The following TMCO4 variants were observed in gnomAD, a reference collection of about 807,000 sequenced individuals.
TMCO4 encodes transmembrane and coiled-coil domain-containing protein 4.
In TMCO4, 58 loss-of-function variants were observed where a neutral mutation model predicts 64.7. The ratio of observed to expected loss-of-function variants is 0.90; its 90% CI spans 0.73 to 1.12. TMCO4 has a LOEUF of 1.12. Ranked by LOEUF, TMCO4 falls within the 50% of genes most tolerant of loss-of-function variation. The pLI, the probability that TMCO4 is intolerant of heterozygous loss-of-function variation, is 0.00. For synonymous variants in TMCO4, 325 were observed against 346.1 expected, an observed-to-expected ratio of 0.94 and a Z score of 0.68; for missense variants, 780 against 825.9, an observed-to-expected ratio of 0.94 and a Z score of 0.68.
At chr1:19,740,998 C>A in intron 10 of TMCO4, 57 bp from the exon 11 acceptor site, 1 of 1,503,746 alleles carries the variant, frequency 6.7e-7, no homozygotes. Flanking sequence ...GATGCCCCAC[C>A]CCAGTACCCC....
At chr1:19,762,223 A>G (rs976831657) in intron 6 of TMCO4, among the ~76,000 whole-genome samples, 1 of 152,146 alleles carries the variant, frequency 6.6e-6, no homozygotes, top group African/African-American at 2.4e-5. Context: ...GCCAGCTGTG[A>G]ATCCTATATT....
At chr1:19,754,905 C>T (rs1475460022) in intron 7 of TMCO4, among the ~76,000 whole-genome samples, 2 of 152,016 alleles carry the variant, frequency 1.3e-5, no homozygotes, top group African/African-American at 2.4e-5. Flanking sequence ...AGGGCACTAT[C>T]CTTATTCCTG....
rs567200992 is a variant in TMCO4, at chr1:19,787,991, A to G, written c.-100-874T>C. 3.3e-5 allele frequency among the ~76,000 whole-genome samples: 5 copies of G among 152,312 alleles called. No homozygotes were observed. In the East Asian group the frequency reaches 7.7e-4, roughly 24 times the overall value. ...AGGCTGGTCTGGAACTCCTGAGCTC[A>G]GGCAATCTGCCTGCCTCAGCCTCCC... On this transcript the variant is annotated intron_variant, in intron 2 of 15. Coordinates refer to ENST00000294543, the MANE Select transcript of TMCO4 (RefSeq NM_181719.7).
At chr1:19,710,433 T>C (rs2095325624) in intron 13 of TMCO4, among the ~76,000 whole-genome samples, 1 of 152,128 alleles carries the variant, frequency 6.6e-6, no homozygotes, top group East Asian at 1.9e-4. Context: ...CGTCCTCCTC[T>C]TCCTCTTCTT....
intron 14 of TMCO4, among the ~76,000 whole-genome samples, chr1:19,699,177 C>G (rs1391318410): frequency 6.7e-6 from 1 of 148,204 alleles, no homozygotes; most frequent in Non-Finnish European, 1.5e-5. Context: ...GCCTGGGTGA[C>G]AATGTGAGAC....
intron 14 of TMCO4, among the ~76,000 whole-genome samples, chr1:19,697,775 T>A (rs1168631097): frequency 4.3e-5 from 1 of 23,312 alleles, no homozygotes; most frequent in Non-Finnish European, 1.3e-4. Flanking sequence ...ATTTTTGTAT[T>A]TTTTTTTTTT....
chr1:19,726,450 C>T (rs753450597), intron 13 of TMCO4, among the ~76,000 whole-genome samples: 1 of 151,398 alleles, frequency 6.6e-6, no homozygotes, highest in Non-Finnish European at 1.5e-5. Flanking sequence ...GGGGACAGAG[C>T]GAGACTCTGT....
Position 19,760,153 on chromosome 1 carries a change from T to G in TMCO4, c.383-4387A>C, listed in dbSNP as rs186818266. Among the ~76,000 whole-genome samples, 124 of 152,204 alleles carry G rather than the reference T, an allele frequency of 8.1e-4. 1 individual carries two copies. In the East Asian group the frequency reaches 0.013, roughly 16 times the overall value. On this transcript the variant is annotated intron_variant, in intron 6 of 15. Coordinates refer to ENST00000294543, the MANE Select transcript of TMCO4 (RefSeq NM_181719.7). ...CTTACAGTGGTGAATTATTCTTAAA[T>G]GTCATATAGTCTTTTTTTTTTCTTT...
Position 19,682,902 on chromosome 1 carries a change from T to G in TMCO4, c.*138A>C, listed in dbSNP as rs768192693. 4 of 1,219,082 alleles carry G rather than the reference T, an allele frequency of 3.3e-6. No homozygotes were observed. The East Asian group carries it at 9.4e-5, about 29-fold the overall frequency. The allele number at this position is 1,219,082 out of a possible 1,614,324, so 75.5% of individuals were successfully genotyped here. On this transcript the variant is annotated 3_prime_UTR_variant, in exon 16 of 16. Coordinates refer to ENST00000294543, the MANE Select transcript of TMCO4 (RefSeq NM_181719.7). ...TCCCCTTCCTTCCATTTCCTTTCCC[T>G]TTCAGTTCCAATTCCTTCCATTTAG...
intron 6 of TMCO4, among the ~76,000 whole-genome samples, chr1:19,770,316 A>G (rs980032222): frequency 1.3e-5 from 2 of 152,222 alleles, no homozygotes; most frequent in African/African-American, 4.8e-5. Context: ...AGGTAAAACC[A>G]TAGGCCTATT....
At chr1:19,754,532 G>A (rs531229420) in intron 7 of TMCO4, among the ~76,000 whole-genome samples, 1 of 152,230 alleles carries the variant, frequency 6.6e-6, no homozygotes, top group African/African-American at 2.4e-5. Context: ...TTCCCAGGTG[G>A]GCTGACCTCG....
At chr1:19,737,560 C>A in intron 12 of TMCO4, 104 bp from the exon 13 acceptor site, 1 of 977,658 alleles carries the variant, frequency 1.0e-6, no homozygotes, top group South Asian at 1.4e-5. Context: ...CCACCTGATT[C>A]TCATCTAATG....
chr1:19,695,661 C>T (rs1228783882), intron 14 of TMCO4, among the ~76,000 whole-genome samples: 2 of 152,146 alleles, frequency 1.3e-5, no homozygotes, highest in Non-Finnish European at 2.9e-5. Context: ...AGTCCCCCAC[C>T]TGTCTGGGAC....
At chr1:19,716,381 C>CTTTTTTTTTT (rs1262772167) in intron 13 of TMCO4, among the ~76,000 whole-genome samples, 13 of 124,474 alleles carry the variant, frequency 1.0e-4, no homozygotes, top group East Asian at 2.3e-4. Flanking sequence ...TTTTTTCTTT[C>CTTTTTTTTTT]TTTTTTTTTT....
At chr1:19,781,027 G>A (rs980603295) in intron 3 of TMCO4, among the ~76,000 whole-genome samples, 14 of 149,414 alleles carry the variant, frequency 9.4e-5, no homozygotes, top group Admixed American at 5.5e-4. Flanking sequence ...AAAAAGAAAC[G>A]AAGCAAATTT....
chr1:19,721,754 A>AC (rs2095384843), intron 13 of TMCO4, among the ~76,000 whole-genome samples: 2 of 152,050 alleles, frequency 1.3e-5, no homozygotes, highest in African/African-American at 4.8e-5. Flanking sequence ...GTGCCACCGC[A>AC]CTCCAGCCTG....
In TMCO4 at chr1:19,735,053, G is replaced by A. The variant is rs1271734931; in HGVS notation, c.1264+2319C>T. ...CACAGTGCACTGGGCACTGTGCTGGGCACTAGGGGGGCGGCAGGGCTCAAG... is the reference window on the plus strand; with the variant it reads ...CACAGTGCACTGGGCACTGTGCTGGACACTAGGGGGGCGGCAGGGCTCAAG... On this transcript the variant is annotated intron_variant, in intron 13 of 15. Transcript: ENST00000294543. Among the ~76,000 whole-genome samples, 3 of 152,146 alleles carry A rather than the reference G, an allele frequency of 2.0e-5. No individual in the cohort carries two copies. In the East Asian group the frequency reaches 5.8e-4, roughly 29 times the overall value.
At chr1:19,700,655 A>T in intron 14 of TMCO4, 113 bp downstream of exon 14, 1 of 1,021,402 alleles carries the variant, frequency 9.8e-7, no homozygotes, top group Non-Finnish European at 1.5e-6. Context: ...GGTTCCTGGG[A>T]TCTTCCAGGA....
intron 13 of TMCO4, among the ~76,000 whole-genome samples, chr1:19,727,547 G>C (rs1463533467): frequency 2.0e-5 from 3 of 152,200 alleles, no homozygotes; most frequent in Admixed American, 1.3e-4. Flanking sequence ...ACGAGCTAGT[G>C]GAGTGAATTT....
Sources: gnomAD v4.1 joint callset for allele counts (sites outside exome capture counted in the v4.1 genomes callset) on GRCh38, gnomAD v4.1.1 for gene constraint, MANE v1.5 for transcripts, NCBI Gene and HGNC (gene_info 2026-07-23, HGNC 2026-07-21) for gene names.